Variants in SOX5 observed in about 807,000 individuals in gnomAD.
SOX5 encodes SRY-box transcription factor 5.
Under a neutral mutation model 92.0 loss-of-function variants are expected in SOX5, and 9 were observed. The ratio of observed to expected loss-of-function variants is 0.10; its 90% CI spans 0.06 to 0.17. The LOEUF is 0.17. Ranked by LOEUF, SOX5 falls within the 10% of genes least tolerant of loss-of-function variation. The pLI is 1.00. For missense variants in SOX5, 642 were observed against 944.5 expected (o/e 0.68, Z 4.20); for synonymous variants, 344 against 336.3 (o/e 1.02, Z -0.25).
At chr12:24,107,992 A>T (rs563359696) in intron 4 of SOX5, among the ~76,000 whole-genome samples, 96 of 152,194 alleles carry the variant, frequency 6.3e-4, no homozygotes, top group Non-Finnish European at 1.1e-3. Context: ...TTTAAAATCA[A>T]GTCAGATGTT....
chr12:23,659,606 A>G (rs557732683), intron 7 of SOX5, among the ~76,000 whole-genome samples: 1 of 152,210 alleles, frequency 6.6e-6, no homozygotes, highest in Non-Finnish European at 1.5e-5. Context: ...GACTAACTAC[A>G]TTTTCTAAAA....
chr12:23,787,350 A>C (rs1238231464), intron 3 of SOX5, among the ~76,000 whole-genome samples: 1 of 151,938 alleles, frequency 6.6e-6, no homozygotes, highest in Admixed American at 6.6e-5. Flanking sequence ...AAACTATTTA[A>C]AACAGTATGA....
chr12:23,724,094 T>A (rs942911005), intron 6 of SOX5, among the ~76,000 whole-genome samples: 5 of 152,128 alleles, frequency 3.3e-5, no homozygotes, highest in African/African-American at 7.2e-5. Context: ...AAATTACTTT[T>A]AAAAAAATAT....
intron 3 of SOX5, among the ~76,000 whole-genome samples, chr12:23,755,983 T>G (rs972427586): frequency 1.3e-5 from 2 of 151,866 alleles, no homozygotes; most frequent in Non-Finnish European, 2.9e-5. Flanking sequence ...ACCTTGCGGT[T>G]CATTGTTTTT....
At chr12:24,082,735 T>C (rs1943511925) in intron 4 of SOX5, among the ~76,000 whole-genome samples, 1 of 151,816 alleles carries the variant, frequency 6.6e-6, no homozygotes, top group Admixed American at 6.6e-5. Flanking sequence ...ATTAATACTG[T>C]TTGATCTTTT....
At chr12:23,684,755 G>A (rs937983748) in intron 6 of SOX5, among the ~76,000 whole-genome samples, 21 of 152,096 alleles carry the variant, frequency 1.4e-4, no homozygotes, top group African/African-American at 3.4e-4. Flanking sequence ...TCCCAACTGC[G>A]GGTGATCTCA....
At chr12:23,788,928 C>T (rs2095425271) in intron 3 of SOX5, among the ~76,000 whole-genome samples, 1 of 151,686 alleles carries the variant, frequency 6.6e-6, no homozygotes, top group African/African-American at 2.4e-5. Flanking sequence ...CTGAAGAAAC[C>T]TAATACAAGA....
At chr12:24,424,813 G>GGT (rs1555286304) in intron 1 of SOX5, among the ~76,000 whole-genome samples, 3 of 150,726 alleles carry the variant, frequency 2.0e-5, no homozygotes, top group Admixed American at 6.6e-5. Flanking sequence ...TTTTTTGGGG[G>GGT]GGGGGGATGG....
chr12:24,234,494 C>T (rs538869382), intron 3 of SOX5, among the ~76,000 whole-genome samples: 2 of 152,238 alleles, frequency 1.3e-5, no homozygotes, highest in East Asian at 1.9e-4. Context: ...TTTCCTGCCT[C>T]AGCCTCCCGA....
chr12:24,528,319 G>T (rs1950892764), intron 1 of SOX5, among the ~76,000 whole-genome samples: 1 of 152,068 alleles, frequency 6.6e-6, no homozygotes, highest in Admixed American at 6.5e-5. Context: ...TTCATGGCTG[G>T]AGGTCTTTCC....
At chr12:24,381,256 A>G (rs1339376545) in intron 1 of SOX5, among the ~76,000 whole-genome samples, 1 of 152,274 alleles carries the variant, frequency 6.6e-6, no homozygotes, top group Non-Finnish European at 1.5e-5. Flanking sequence ...GGAAACAAGT[A>G]TAATTAAATA....
At chr12:23,835,266 G>T (rs2096394342) in intron 3 of SOX5, among the ~76,000 whole-genome samples, 1 of 151,784 alleles carries the variant, frequency 6.6e-6, no homozygotes, top group Non-Finnish European at 1.5e-5. Context: ...ACAAAAGCGA[G>T]AAAAGAATAT....
intron 4 of SOX5, among the ~76,000 whole-genome samples, chr12:23,755,078 C>T (rs1170056692): frequency 2.0e-5 from 3 of 151,570 alleles, no homozygotes; most frequent in African/African-American, 7.3e-5. Flanking sequence ...AAATCTTCTC[C>T]CCTTGTTATT....
At position 23,734,227 on chromosome 12, in the gene SOX5, G is replaced by A. The variant is rs12297151; in HGVS notation, c.810+457C>T. 9.4e-3 allele frequency among the ~76,000 whole-genome samples: 1,437 copies of A among 152,174 alleles called. 26 individuals carry two copies. The highest frequency in any genetic ancestry group is 0.032 in the African/African-American group (1,342 of 41,516). ...CTCCAGGCAAAACCACAGGTAAATC[G>A]ACTTGAACACCAAATTATTACCATC... On this transcript the variant is annotated intron_variant, in intron 6 of 14. Coordinates refer to ENST00000451604, the MANE Select transcript of SOX5 (RefSeq NM_006940.6).
intron 3 of SOX5, among the ~76,000 whole-genome samples, chr12:23,804,278 A>G (rs1051383161): frequency 6.6e-6 from 1 of 152,192 alleles, no homozygotes; most frequent in African/African-American, 2.4e-5. Flanking sequence ...TGATCACACT[A>G]TAGTATCTCC....
chr12:24,526,085 G>A (rs747489751), intron 1 of SOX5, among the ~76,000 whole-genome samples: 1 of 151,982 alleles, frequency 6.6e-6, no homozygotes, highest in Admixed American at 6.6e-5. Context: ...TACCCAGGCC[G>A]GTCTCATACT....
chr12:23,737,757 C>T (rs549861786), intron 5 of SOX5, among the ~76,000 whole-genome samples: 5 of 152,220 alleles, frequency 3.3e-5, no homozygotes, highest in South Asian at 2.1e-4. Flanking sequence ...CTCCTGCCTC[C>T]CAAGGATATT....
At chr12:23,956,311 T>C (rs10842244) in intron 4 of SOX5, among the ~76,000 whole-genome samples, 41,958 of 152,034 alleles carry the variant, frequency 0.28, 6,093 homozygotes, top group East Asian at 0.38. Flanking sequence ...GGCAGGGATC[T>C]CCAACCCCCA....
intron 1 of SOX5, among the ~76,000 whole-genome samples, chr12:24,559,725 A>T (rs1314598930): frequency 6.6e-6 from 1 of 152,214 alleles, no homozygotes; most frequent in Non-Finnish European, 1.5e-5. Context: ...AACATACCTG[A>T]GTATAAACTT....
Sources: gnomAD v4.1 joint callset for allele counts (sites outside exome capture counted in the v4.1 genomes callset) on GRCh38, gnomAD v4.1.1 for gene constraint, MANE v1.5 for transcripts, NCBI Gene and HGNC (gene_info 2026-07-23, HGNC 2026-07-21) for gene names.